The following TTC7B variants were observed in gnomAD, a reference collection of about 807,000 sequenced individuals.
TTC7B encodes tetratricopeptide repeat protein 7B.
TTC7B carries 28 observed loss-of-function variants against 106.8 expected under a neutral mutation model. That is an observed-to-expected ratio of 0.26 (90% CI 0.19 to 0.36). The LOEUF (loss-of-function observed/expected upper bound fraction) is 0.36. Ranked by LOEUF, TTC7B falls within the 10% of genes least tolerant of loss-of-function variation. The pLI is 1.00. For missense variants in TTC7B, 862 were observed against 1,076.4 expected, an observed-to-expected ratio of 0.80 and a Z score of 2.79; for synonymous variants, 405 against 430.6, an observed-to-expected ratio of 0.94 and a Z score of 0.74.
At position 90,732,469 on chromosome 14, in the gene TTC7B, G is replaced by T. The variant is rs374326839; in HGVS notation, c.577-2273C>A. ...CATGGCTCCCTGCAGCCTCAACCTC[G>T]CAGGCTCAAACGATCCTCCCACCTC... On this transcript the variant is annotated intron_variant, in intron 4 of 19. Coordinates refer to ENST00000328459, the MANE Select transcript of TTC7B (RefSeq NM_001010854.2). Among the ~76,000 whole-genome samples, 292 of 152,178 alleles carry T rather than the reference G, an allele frequency of 1.9e-3. 2 individuals carry two copies. Among genetic ancestry groups the T allele is most frequent in the African/African-American group, 6.7e-3 (277 of 41,530 alleles).
At chr14:90,661,127 G>T (rs566970325) in intron 9 of TTC7B, among the ~76,000 whole-genome samples, 53 of 152,382 alleles carry the variant, frequency 3.5e-4, no homozygotes, top group African/African-American at 1.2e-3. Flanking sequence ...GCGTGGCCCT[G>T]ATGCCATGAG....
intron 17 of TTC7B, among the ~76,000 whole-genome samples, chr14:90,609,657 G>A (rs1892797063): frequency 1.3e-5 from 2 of 152,154 alleles, no homozygotes; most frequent in Admixed American, 1.3e-4. Context: ...AAAAGACCAG[G>A]CATACCCAGA....
chr14:90,796,559 C>A (rs1487147969), intron 1 of TTC7B, among the ~76,000 whole-genome samples: 2 of 152,188 alleles, frequency 1.3e-5, no homozygotes, highest in Non-Finnish European at 2.9e-5. Context: ...AAGGGACTGC[C>A]CTTCCTCCTA....
At chr14:90,561,325 A>G (rs1890571506) in intron 19 of TTC7B, among the ~76,000 whole-genome samples, 3 of 152,196 alleles carry the variant, frequency 2.0e-5, no homozygotes, top group African/African-American at 4.8e-5. Flanking sequence ...CCCCAGGCAT[A>G]CTGTACATGT....
chr14:90,629,579 G>A (rs1160097387), intron 15 of TTC7B, among the ~76,000 whole-genome samples: 1 of 152,222 alleles, frequency 6.6e-6, no homozygotes. Flanking sequence ...AGGCAGCCCG[G>A]GGCCAGGTGC....
chr14:90,769,615 A>G (rs111354756), intron 3 of TTC7B, among the ~76,000 whole-genome samples: 97 of 152,300 alleles, frequency 6.4e-4, no homozygotes, highest in African/African-American at 2.2e-3. Context: ...AATAAAATTT[A>G]AAAATTAGCC....
rs1225345158 is a variant in TTC7B, at chr14:90,780,631, C to T, written c.445+107G>A. On this transcript the variant is annotated intron_variant, in intron 3 of 19. Transcript: ENST00000328459. The stretch of plus-strand genomic sequence containing the variant: ...GCGGCCCCAGCAGCCTTGCTGGGAA[C>T]TGCCAGGTTCATCACCAGCCAAGGG... 3.0e-6 allele frequency: 4 copies of T among 1,336,214 alleles called. No homozygotes were observed. In the African/African-American group the frequency reaches 5.8e-5, roughly 20 times the overall value. The allele number at this position is 1,336,214 out of a possible 1,614,324, so 82.8% of individuals were successfully genotyped here.
intron 15 of TTC7B, among the ~76,000 whole-genome samples, chr14:90,633,541 G>A (rs980576373): frequency 5.9e-5 from 9 of 152,204 alleles, no homozygotes; most frequent in Non-Finnish European, 1.2e-4. Flanking sequence ...ACAACAAACT[G>A]TCAGTTCTTA....
chr14:90,779,081 C>T (rs1479759237), intron 3 of TTC7B, among the ~76,000 whole-genome samples: 1 of 152,176 alleles, frequency 6.6e-6, no homozygotes, highest in Non-Finnish European at 1.5e-5. Context: ...CTCTGCCAGC[C>T]ACAGTCAGTC....
chr14:90,637,361 T>C (rs1307136903), intron 15 of TTC7B, among the ~76,000 whole-genome samples: 1 of 150,258 alleles, frequency 6.7e-6, no homozygotes, highest in Non-Finnish European at 1.5e-5. Flanking sequence ...GAATAGACTA[T>C]AATTATTTTT....
intron 9 of TTC7B, among the ~76,000 whole-genome samples, chr14:90,661,617 G>C (rs190029835): frequency 1.1e-4 from 17 of 152,272 alleles, no homozygotes; most frequent in Non-Finnish European, 2.5e-4. Context: ...GGTATGTGGA[G>C]AGATGGTAGA....
chr14:90,803,287 C>T (rs1462551130), intron 1 of TTC7B, among the ~76,000 whole-genome samples: 1 of 152,152 alleles, frequency 6.6e-6, no homozygotes, highest in African/African-American at 2.4e-5. Context: ...CTCCATCTAT[C>T]CCCTCATACT....
At chr14:90,662,308 A>G (rs181315486) in intron 9 of TTC7B, among the ~76,000 whole-genome samples, 4 of 152,138 alleles carry the variant, frequency 2.6e-5, no homozygotes, top group Admixed American at 6.5e-5. Flanking sequence ...GGACCTCCCA[A>G]ATTGGGGCAG....
Position 90,652,745 on chromosome 14 carries a change from T to C in TTC7B, c.1517+96A>G, listed in dbSNP as rs973138232. On this transcript the variant is annotated intron_variant, in intron 13 of 19. Coordinates refer to ENST00000328459, the MANE Select transcript of TTC7B (RefSeq NM_001010854.2). ...CGAAAGACTCTCAGGGGTAAAACAC[T>C]GTTTACATAATCTTTATAAATATCT... 2.8e-6 allele frequency: 4 copies of C among 1,426,908 alleles called. No individual in the cohort carries two copies. In the African/African-American group the frequency reaches 5.6e-5, roughly 20 times the overall value. 88.4% of individuals were successfully genotyped at this position (1,426,908 alleles called of 1,614,324 possible). A position where few individuals can be genotyped will look rare whatever the true frequency, so the allele number is the denominator to read the frequency against.
At chr14:90,572,427 C>T (rs1346959819) in intron 19 of TTC7B, among the ~76,000 whole-genome samples, 1 of 152,230 alleles carries the variant, frequency 6.6e-6, no homozygotes, top group African/African-American at 2.4e-5. Flanking sequence ...CCCAAACCTA[C>T]CATCAATCTG....
intron 16 of TTC7B, 53 bp from the exon 17 acceptor site, chr14:90,610,892 G>T: frequency 7.8e-7 from 1 of 1,284,290 alleles, no homozygotes; most frequent in Non-Finnish European, 1.1e-6. Context: ...AGGAGGGAAG[G>T]AAAGAGAGGC....
rs988350135 is a variant in TTC7B, at chr14:90,805,724, C to T, written c.121+10451G>A. 2.6e-5 allele frequency among the ~76,000 whole-genome samples: 4 copies of T among 152,174 alleles called. No homozygotes were observed. Among genetic ancestry groups the T allele is most frequent in the East Asian group, 1.9e-4 (1 of 5,188 alleles). ...TGTATACAGAGATAAAGCCTGAAGC[C>T]GAATAGAGACCACTAGTGAGACTCT... On this transcript the variant is annotated intron_variant, in intron 1 of 19. Transcript: ENST00000328459. This position sits in a 1 kb window ranked among gnomAD's most constrained non-coding sequence, Gnocchi z 4.0.
rs1366266816 is a variant in TTC7B at position 90,805,480 on chromosome 14, G to C, written c.121+10695C>G. 1.3e-5 allele frequency among the ~76,000 whole-genome samples: 2 copies of C among 152,136 alleles called. No homozygotes were observed. The highest frequency in any genetic ancestry group is 2.4e-5 in the African/African-American group (1 of 41,424). ...AGAGTTTCACCATGTTGGCCGGGCT[G>C]GTCTCGAAATCCTCACCTCAGGGGA... On this transcript the variant is annotated intron_variant, in intron 1 of 19. Transcript: ENST00000328459. The surrounding 1 kb of genome is among the most constrained non-coding windows in gnomAD (Gnocchi z 4.0).
intron 7 of TTC7B, among the ~76,000 whole-genome samples, chr14:90,685,744 T>G (rs1887229305): frequency 6.6e-6 from 1 of 152,120 alleles, no homozygotes; most frequent in Non-Finnish European, 1.5e-5. Flanking sequence ...GTAATTTACA[T>G]GAAGCAGACA....
Sources: gnomAD v4.1 joint callset for allele counts (sites outside exome capture counted in the v4.1 genomes callset) on GRCh38, gnomAD v4.1.1 for gene constraint, Gnocchi (gnomAD v3.1) non-coding constraint, MANE v1.5 for transcripts, NCBI Gene and HGNC (gene_info 2026-07-23, HGNC 2026-07-21) for gene names.